LRRTM4: variants seen among roughly 807,000 people sequenced by gnomAD.
LRRTM4 encodes the protein leucine-rich repeat transmembrane neuronal protein 4.
In LRRTM4, 25 loss-of-function variants were observed where a neutral mutation model predicts 47.6. That is an observed-to-expected ratio of 0.53 (90% CI 0.38 to 0.73). LRRTM4 has a LOEUF of 0.73. Among genes scored for constraint, LRRTM4 ranks in the 30% least tolerant of loss-of-function variants. The pLI is 0.00. For missense variants in LRRTM4, 638 were observed against 713.4 expected (o/e 0.89, Z 1.20); for synonymous variants, 311 against 269.5 (o/e 1.15, Z -1.51).
intron 3 of LRRTM4, among the ~76,000 whole-genome samples, chr2:77,399,093 C>G (rs1412300222): frequency 1.3e-5 from 2 of 151,378 alleles, no homozygotes; most frequent in African/African-American, 2.4e-5. Context: ...TTCCCTGGCT[C>G]TTGGTCTCCC....
At chr2:76,880,263 TTATTATC>T (rs1369693279) in intron 3 of LRRTM4, among the ~76,000 whole-genome samples, 1 of 152,032 alleles carries the variant, frequency 6.6e-6, no homozygotes, top group Non-Finnish European at 1.5e-5. Context: ...AAGGGAAACT[TTATTATC>T]TATTTTTAAA....
rs369402724 is a variant in LRRTM4 at position 76,934,796 on chromosome 2, G to C, written c.1552-185880C>G. Among the ~76,000 whole-genome samples, 23 of 152,280 alleles carry C rather than the reference G, an allele frequency of 1.5e-4. No individual in the cohort carries two copies. In the South Asian group the frequency reaches 4.1e-3, roughly 27 times the overall value. ...GATGCTCACTAAATCTTTGTTGAAT[G>C]AATGTGTGTATGAAGAAATCCTGTA... On this transcript the variant is annotated intron_variant, in intron 3 of 3. Coordinates refer to ENST00000409884, the MANE Select transcript of LRRTM4 (RefSeq NM_001134745.3).
intron 3 of LRRTM4, among the ~76,000 whole-genome samples, chr2:77,127,513 A>G (rs1671678955): frequency 6.6e-6 from 1 of 152,208 alleles, no homozygotes; most frequent in Non-Finnish European, 1.5e-5. Flanking sequence ...ATTGGTCTAC[A>G]TGACCCACAG....
chr2:77,156,946 A>T (rs1038982656), intron 3 of LRRTM4, among the ~76,000 whole-genome samples: 27 of 148,610 alleles, frequency 1.8e-4, no homozygotes, highest in Admixed American at 6.7e-4. Flanking sequence ...AACATTTTTT[A>T]CTTTTGAAAT....
At chr2:77,060,778 T>TC (rs1482611754) in intron 3 of LRRTM4, among the ~76,000 whole-genome samples, 2 of 152,160 alleles carry the variant, frequency 1.3e-5, no homozygotes, top group African/African-American at 2.4e-5. Flanking sequence ...CTCTTTTTTT[T>TC]CAAAATGAGG....
At chr2:77,407,630 A>G in intron 3 of LRRTM4, among the ~76,000 whole-genome samples, 1 of 135,664 alleles carries the variant, frequency 7.4e-6, no homozygotes. Context: ...AATATATGAT[A>G]TATTATTATA....
At chr2:76,761,244 G>T (rs1264522330) in intron 3 of LRRTM4, among the ~76,000 whole-genome samples, 1 of 152,128 alleles carries the variant, frequency 6.6e-6, no homozygotes, top group African/African-American at 2.4e-5. Context: ...CACCAAATGC[G>T]GTGCACACCT....
At chr2:77,067,714 C>CACAT (rs779122800) in intron 3 of LRRTM4, among the ~76,000 whole-genome samples, 3 of 151,140 alleles carry the variant, frequency 2.0e-5, no homozygotes, top group Non-Finnish European at 3.0e-5. Flanking sequence ...CACACACACA[C>CACAT]ACATACATAT....
intron 3 of LRRTM4, among the ~76,000 whole-genome samples, chr2:77,338,072 A>G (rs547441892): frequency 6.6e-6 from 1 of 152,272 alleles, no homozygotes; most frequent in African/African-American, 2.4e-5. Flanking sequence ...CTTTCCTTAT[A>G]CCAGATACAA....
intron 3 of LRRTM4, among the ~76,000 whole-genome samples, chr2:76,816,922 A>G (rs1200177609): frequency 7.0e-6 from 1 of 141,934 alleles, no homozygotes; most frequent in Non-Finnish European, 1.5e-5. Flanking sequence ...ATGGCTTTTC[A>G]TGTTTGCGGG....
intron 3 of LRRTM4, among the ~76,000 whole-genome samples, chr2:77,339,904 A>C (rs977743227): frequency 5.3e-4 from 80 of 151,954 alleles, no homozygotes; most frequent in Middle Eastern, 3.2e-3. Context: ...GTTGCTTCAT[A>C]TGCTAAATAG....
intron 3 of LRRTM4, among the ~76,000 whole-genome samples, chr2:76,944,523 G>C (rs915270417): frequency 3.3e-5 from 5 of 152,086 alleles, no homozygotes; most frequent in African/African-American, 4.8e-5. Flanking sequence ...TTTGGTGAAT[G>C]AATGAGTAGA....
At chr2:77,282,242 A>G (rs892354645) in intron 3 of LRRTM4, among the ~76,000 whole-genome samples, 1 of 151,702 alleles carries the variant, frequency 6.6e-6, no homozygotes, top group Non-Finnish European at 1.5e-5. Context: ...CTCAGCTTCA[A>G]TTTTATTGGT....
intron 3 of LRRTM4, among the ~76,000 whole-genome samples, chr2:77,024,290 A>T (rs551774048): frequency 1.3e-5 from 2 of 152,142 alleles, no homozygotes; most frequent in South Asian, 2.1e-4. Context: ...CTTTGTTTCT[A>T]TAAGTTTGAC....
chr2:77,163,665 A>G (rs1252675903), intron 3 of LRRTM4, among the ~76,000 whole-genome samples: 1 of 152,206 alleles, frequency 6.6e-6, no homozygotes, highest in East Asian at 1.9e-4. Flanking sequence ...CAACATTCTT[A>G]AAGAAAAGAA....
At chr2:76,848,582 A>T (rs559831635) in intron 3 of LRRTM4, among the ~76,000 whole-genome samples, 38 of 152,214 alleles carry the variant, frequency 2.5e-4, no homozygotes, top group African/African-American at 8.2e-4. Flanking sequence ...CATTTGTTAT[A>T]ATTTTTAAGC....
At chr2:76,911,746 A>G (rs1674063659) in intron 3 of LRRTM4, among the ~76,000 whole-genome samples, 1 of 152,120 alleles carries the variant, frequency 6.6e-6, no homozygotes, top group Non-Finnish European at 1.5e-5. Flanking sequence ...GAATAGGCCA[A>G]TCACTTTTTT....
At chr2:77,005,488 G>A (rs1294029726) in intron 3 of LRRTM4, among the ~76,000 whole-genome samples, 3 of 152,080 alleles carry the variant, frequency 2.0e-5, no homozygotes, top group East Asian at 1.9e-4. Flanking sequence ...GAGGGGCCAG[G>A]GGTGCAATGA....
intron 3 of LRRTM4, among the ~76,000 whole-genome samples, chr2:77,155,861 T>A (rs922619264): frequency 2.0e-5 from 3 of 152,128 alleles, no homozygotes; most frequent in Non-Finnish European, 4.4e-5. Flanking sequence ...AAAAAATATC[T>A]ATCACATAAC....
Sources: gnomAD v4.1 joint callset for allele counts (sites outside exome capture counted in the v4.1 genomes callset) on GRCh38, gnomAD v4.1.1 for gene constraint, MANE v1.5 for transcripts, NCBI Gene and HGNC (gene_info 2026-07-23, HGNC 2026-07-21) for gene names.